The following TAF3 variants were observed in gnomAD, a reference collection of about 807,000 sequenced individuals.
TAF3 encodes transcription initiation factor TFIID subunit 3.
TAF3 carries 7 observed loss-of-function variants against 80.6 expected under a neutral mutation model. That is an observed-to-expected ratio of 0.09 (90% CI 0.05 to 0.16). The LOEUF is 0.16. Ranked by LOEUF, TAF3 falls within the 10% of genes least tolerant of loss-of-function variation. The pLI, the probability that TAF3 is intolerant of heterozygous loss-of-function variation, is 1.00. For missense variants in TAF3, 921 were observed against 1,140.2 expected (o/e 0.81, Z 2.77); for synonymous variants, 444 against 446.1 (o/e 1.00, Z 0.06).
At chr10:8,014,543 G>T in intron 6 of TAF3, 94 bp from the exon 7 acceptor site, 1 of 1,107,694 alleles carries the variant, frequency 9.0e-7, no homozygotes, top group Admixed American at 2.5e-5. Context: ...GGGTAAACAT[G>T]TCATAGACTC....
chr10:7,827,221 G>C (rs994318005), intron 2 of TAF3, among the ~76,000 whole-genome samples: 2 of 152,158 alleles, frequency 1.3e-5, no homozygotes, highest in Non-Finnish European at 2.9e-5. Flanking sequence ...GAGTCACTGA[G>C]TTTCTGGTCT....
At chr10:8,014,182 C>T (rs979679342) in intron 6 of TAF3, among the ~76,000 whole-genome samples, 2 of 152,176 alleles carry the variant, frequency 1.3e-5, no homozygotes, top group East Asian at 1.9e-4. Context: ...GAAGAGGCAG[C>T]GCCTTTGTAA....
At chr10:7,820,818 C>T (rs1369613550) in intron 1 of TAF3, among the ~76,000 whole-genome samples, 1 of 152,200 alleles carries the variant, frequency 6.6e-6, no homozygotes, top group Non-Finnish European at 1.5e-5. Context: ...GAATGTGGAA[C>T]CACAAAGTAA....
At chr10:7,887,513 T>G (rs933461250) in intron 2 of TAF3, among the ~76,000 whole-genome samples, 5 of 152,172 alleles carry the variant, frequency 3.3e-5, no homozygotes, top group African/African-American at 7.2e-5. Flanking sequence ...TCCCCACTTC[T>G]GCTGCTTTTA....
chr10:7,823,537 G>A (rs1338656924), intron 1 of TAF3, among the ~76,000 whole-genome samples: 2 of 152,084 alleles, frequency 1.3e-5, no homozygotes, highest in Non-Finnish European at 2.9e-5. Flanking sequence ...TCAGGAGACT[G>A]AGAGGGGAAG....
At chr10:7,902,306 C>G (rs2131172225) in intron 2 of TAF3, among the ~76,000 whole-genome samples, 1 of 152,028 alleles carries the variant, frequency 6.6e-6, no homozygotes, top group East Asian at 1.9e-4. Flanking sequence ...GTCTGTAATC[C>G]CAACTACTCG....
chr10:7,893,627 C>T lies in TAF3; in HGVS notation c.409+69067C>T, dbSNP rs146751009. On this transcript the variant is annotated intron_variant, in intron 2 of 6. Transcript: ENST00000344293. Reference sequence around the variant, plus strand: ...TCTTTTTCACTCCCGTAGCGAGATCCGTCCAAGTGTCTTCTGCCCTGACTC... The same window carrying T: ...TCTTTTTCACTCCCGTAGCGAGATCTGTCCAAGTGTCTTCTGCCCTGACTC... Among the ~76,000 whole-genome samples the T allele has an allele frequency of 1.1e-3, 163 of 152,268 alleles. 1 individual carries two copies. Among genetic ancestry groups the T allele is most frequent in the African/African-American group, 3.7e-3 (154 of 41,550 alleles).
intron 2 of TAF3, among the ~76,000 whole-genome samples, chr10:7,925,878 A>G (rs1398072243): frequency 6.6e-6 from 1 of 151,888 alleles, no homozygotes; most frequent in Non-Finnish European, 1.5e-5. Flanking sequence ...CAATACCTTG[A>G]TTAATTTAAT....
chr10:7,847,958 C>T (rs759372776), intron 2 of TAF3, among the ~76,000 whole-genome samples: 25 of 149,704 alleles, frequency 1.7e-4, no homozygotes, highest in Non-Finnish European at 2.2e-4. Context: ...TTAGTAGAGA[C>T]GGGGTTTCAC....
intron 1 of TAF3, 150 bp from the exon 2 acceptor site, chr10:7,824,168 A>G (rs1836718392): frequency 2.2e-6 from 2 of 908,342 alleles, no homozygotes; most frequent in South Asian, 2.0e-5. Context: ...ATTCTGTGAT[A>G]CTCTTTAAAA....
chr10:7,964,677 C>T lies in TAF3; in HGVS notation c.1167C>T (p.Ala389=), dbSNP rs375569570. ...KAVVADKTIE[A]SIDAVIARAC... ...TGGTAGCAGATAAAACGATTGAGGC[C>T]TCTATCGATGCTGTGATTGCACGAG... The change falls in exon 3 of 7, where the codon GCC becomes GCT. Residue 389 remains alanine, a synonymous_variant. Coordinates refer to ENST00000344293, the MANE Select transcript of TAF3 (RefSeq NM_031923.4). This position sits in a 1 kb window ranked among gnomAD's most constrained non-coding sequence, Gnocchi z 4.1. 2.9e-5 allele frequency: 47 copies of T among 1,614,174 alleles called. No individual in the cohort carries two copies. The highest frequency in any genetic ancestry group is 3.9e-5 in the Non-Finnish European group (46 of 1,180,040).
rs1165694776 is a variant in TAF3 at position 7,964,964 on chromosome 10, T to C, written c.1454T>C (p.Met485Thr). 6.2e-7 allele frequency: 1 copy of C among 1,613,996 alleles called. No homozygotes were observed. The highest frequency in any genetic ancestry group is 1.3e-5 in the African/African-American group (1 of 74,902). Reference protein sequence around the residue: ...RKAKLGTPSNMPPNFPYISSP... With the variant: ...RKAKLGTPSNTPPNFPYISSP... ...GCAAAACTGGGAACACCTTCAAATA[T>C]GCCCCCCAACTTTCCTTATATCTCT... Residue 485 changes from methionine to threonine, a missense_variant, in exon 3 of 7, where the codon ATG (methionine) becomes ACG (threonine). This residue lies in a region of TAF3 where 743 missense variants were observed against 821.0 expected (regional missense o/e 0.90). Transcript: ENST00000344293. The surrounding 1 kb of genome is among the most constrained non-coding windows in gnomAD (Gnocchi z 4.1).
chr10:7,891,621 T>C (rs961617015), intron 2 of TAF3, among the ~76,000 whole-genome samples: 1 of 152,240 alleles, frequency 6.6e-6, no homozygotes, highest in Non-Finnish European at 1.5e-5. Context: ...TCTTATGTTT[T>C]TGTTAGAAAC....
At chr10:7,863,440 G>A (rs11255414) in intron 2 of TAF3, among the ~76,000 whole-genome samples, 26,213 of 150,158 alleles carry the variant, frequency 0.17, 2,699 homozygotes, top group East Asian at 0.51. Context: ...GTGAAACCCC[G>A]TCTCTACTGA....
At chr10:7,862,814 A>G (rs1054850459) in intron 2 of TAF3, among the ~76,000 whole-genome samples, 3 of 152,312 alleles carry the variant, frequency 2.0e-5, no homozygotes, top group East Asian at 3.9e-4. Context: ...TTTTTCACCA[A>G]TATAATTATT....
chr10:7,937,867 A>G (rs1419967959), intron 2 of TAF3, among the ~76,000 whole-genome samples: 2 of 152,214 alleles, frequency 1.3e-5, no homozygotes, highest in African/African-American at 2.4e-5. Context: ...CGGCAAAGGA[A>G]CAGTGAGGTT....
intron 2 of TAF3, among the ~76,000 whole-genome samples, chr10:7,934,538 A>G (rs1304257629): frequency 6.6e-6 from 1 of 152,054 alleles, no homozygotes; most frequent in African/African-American, 2.4e-5. Flanking sequence ...TTTGCTTTCC[A>G]AGTTCAAGCG....
intron 2 of TAF3, chr10:7,833,888 C>A (rs1414937482): frequency 8.6e-6 from 7 of 812,262 alleles, no homozygotes; most frequent in Non-Finnish European, 1.2e-5. Flanking sequence ...TGGAGCGGTA[C>A]CCCTTCAGCC....
chr10:7,936,709 A>G (rs1485356179), intron 2 of TAF3, among the ~76,000 whole-genome samples: 1 of 152,180 alleles, frequency 6.6e-6, no homozygotes, highest in African/African-American at 2.4e-5. Context: ...CACAGTTTAC[A>G]TTAGGGGTTG....
Sources: allele counts gnomAD v4.1 joint callset (sites outside exome capture counted in the v4.1 genomes callset), GRCh38; gene constraint gnomAD v4.1.1; regional missense constraint gnomAD v4.1.1; non-coding constraint Gnocchi (gnomAD v3.1); transcripts MANE v1.5; gene names NCBI Gene and HGNC (gene_info 2026-07-23, HGNC 2026-07-21).